Variants in MAN1A1 observed in about 807,000 individuals in gnomAD.
MAN1A1 encodes the protein mannosyl-oligosaccharide 1,2-alpha-mannosidase IA.
A neutral mutation model predicts 70.8 loss-of-function variants in MAN1A1; 29 were observed. That is an observed-to-expected ratio of 0.41 (90% CI 0.31 to 0.56). The LOEUF is 0.56. Ranked by LOEUF, MAN1A1 falls within the 20% of genes least tolerant of loss-of-function variation. The pLI is 0.29. For missense variants in MAN1A1, 747 were observed against 841.3 expected (o/e 0.89, Z 1.39); for synonymous variants, 349 against 330.1 (o/e 1.06, Z -0.62).
At chr6:119,274,424 T>C (rs931933512) in intron 5 of MAN1A1, among the ~76,000 whole-genome samples, 2 of 152,204 alleles carry the variant, frequency 1.3e-5, no homozygotes, top group Non-Finnish European at 2.9e-5. Context: ...TCTAATTACA[T>C]AAAAGCATAC....
intron 5 of MAN1A1, among the ~76,000 whole-genome samples, chr6:119,252,140 T>C (rs1266049200): frequency 6.6e-6 from 1 of 152,222 alleles, no homozygotes; most frequent in South Asian, 2.1e-4. Context: ...TGGCACTCAA[T>C]AGATGTTCAT....
intron 6 of MAN1A1, among the ~76,000 whole-genome samples, chr6:119,233,414 A>C (rs1348486867): frequency 6.6e-6 from 1 of 152,194 alleles, no homozygotes; most frequent in African/African-American, 2.4e-5. Flanking sequence ...ATTTTCCTTT[A>C]AGCCAATTAA....
rs1775971710 is a variant in MAN1A1, at chr6:119,273,194, T to C, written c.897+17489A>G. Among the ~76,000 whole-genome samples the C allele has an allele frequency of 2.0e-5, 3 of 152,140 alleles. No homozygotes were observed. The South Asian group carries it at 6.2e-4, about 32-fold the overall frequency. Reference sequence around the variant, plus strand: ...TTCCAAATCTGTTGTGATTTTCCTTTAATATTTTCTGATCAAAAGAATATT... The same window carrying C: ...TTCCAAATCTGTTGTGATTTTCCTTCAATATTTTCTGATCAAAAGAATATT... On this transcript the variant is annotated intron_variant, in intron 5 of 12. Coordinates refer to ENST00000368468, the MANE Select transcript of MAN1A1 (RefSeq NM_005907.4).
intron 6 of MAN1A1, among the ~76,000 whole-genome samples, chr6:119,218,377 G>A (rs1372446332): frequency 3.3e-5 from 5 of 152,044 alleles, no homozygotes; most frequent in Non-Finnish European, 1.5e-5. Context: ...GAAAGTTATA[G>A]TAGTATATAC....
At chr6:119,180,252 C>T (rs1335592428) in intron 12 of MAN1A1, 60 bp downstream of exon 12, 2 of 1,126,348 alleles carry the variant, frequency 1.8e-6, no homozygotes, top group Admixed American at 1.9e-5. Flanking sequence ...ATGATAAAGA[C>T]ATCTACAAAG....
At chr6:119,336,595 C>G (rs1773457785) in intron 2 of MAN1A1, among the ~76,000 whole-genome samples, 1 of 152,160 alleles carries the variant, frequency 6.6e-6, no homozygotes, top group Non-Finnish European at 1.5e-5. Flanking sequence ...TATGACACAG[C>G]ACTTTTCAGG....
Position 119,185,051 on chromosome 6 carries a change from G to A in MAN1A1, c.1719+3354C>T, listed in dbSNP as rs150186743. ...ACTATAGGAGTGTGCCAGCATGACG[G>A]GCTAATTTTTAAATTTTGTAAAGAC... is the stretch of plus-strand genomic sequence containing the variant. On this transcript the variant is annotated intron_variant, in intron 11 of 12. Coordinates refer to ENST00000368468, the MANE Select transcript of MAN1A1 (RefSeq NM_005907.4). Among the ~76,000 whole-genome samples the A allele has an allele frequency of 1.6e-3, 239 of 152,014 alleles. 5 individuals are homozygous for A. Among genetic ancestry groups the A allele is most frequent in the African/African-American group, 5.6e-3 (231 of 41,464 alleles).
At chr6:119,275,552 C>T (rs1224286305) in intron 5 of MAN1A1, among the ~76,000 whole-genome samples, 1 of 149,388 alleles carries the variant, frequency 6.7e-6, no homozygotes, top group Non-Finnish European at 1.5e-5. Flanking sequence ...GTGATCCGCC[C>T]GCCTCGGCCT....
chr6:119,284,302 T>C (rs1441761088), intron 5 of MAN1A1, among the ~76,000 whole-genome samples: 2 of 152,176 alleles, frequency 1.3e-5, no homozygotes, highest in Non-Finnish European at 2.9e-5. Context: ...ACCATTTCCA[T>C]GTGCCACTCT....
chr6:119,308,704 T>C (rs1451316391), intron 2 of MAN1A1, among the ~76,000 whole-genome samples: 2 of 152,168 alleles, frequency 1.3e-5, no homozygotes, highest in Non-Finnish European at 2.9e-5. Flanking sequence ...AGACTAGGTA[T>C]ATAAAAAATC....
intron 5 of MAN1A1, among the ~76,000 whole-genome samples, chr6:119,290,370 C>G (rs1474500328): frequency 1.3e-5 from 2 of 151,912 alleles, no homozygotes; most frequent in African/African-American, 4.8e-5. Context: ...ACAAGCCCGC[C>G]ACTACACTAA....
chr6:119,196,472 G>A (rs1354843579), intron 8 of MAN1A1, among the ~76,000 whole-genome samples: 2 of 152,076 alleles, frequency 1.3e-5, no homozygotes, highest in Non-Finnish European at 2.9e-5. Flanking sequence ...GTCGGGGAGA[G>A]CAGGCCCGAA....
chr6:119,219,313 G>A (rs546234518), intron 6 of MAN1A1, among the ~76,000 whole-genome samples: 1 of 151,808 alleles, frequency 6.6e-6, no homozygotes, highest in African/African-American at 2.4e-5. Context: ...GAGACTAAAG[G>A]TAAATTAGGG....
At chr6:119,281,375 G>A (rs927361528) in intron 5 of MAN1A1, among the ~76,000 whole-genome samples, 1 of 152,226 alleles carries the variant, frequency 6.6e-6, no homozygotes, top group Non-Finnish European at 1.5e-5. Flanking sequence ...CATGAATGCT[G>A]TTCATCACCA....
At chr6:119,289,539 G>A (rs1327369932) in intron 5 of MAN1A1, among the ~76,000 whole-genome samples, 1 of 150,314 alleles carries the variant, frequency 6.7e-6, no homozygotes, top group Non-Finnish European at 1.5e-5. Flanking sequence ...CAGAAAAAAG[G>A]GAGGAAGAGG....
rs557015004 is a variant in MAN1A1, at chr6:119,349,752, C to A, written c.-433G>T. ...AGCACGGTACACTCCGCCGCGGCCCCGCGAGCACTAATCTCACTGCCGGTC... is the reference window on the plus strand; with the variant it reads ...AGCACGGTACACTCCGCCGCGGCCCAGCGAGCACTAATCTCACTGCCGGTC... On this transcript the variant is annotated 5_prime_UTR_variant, in exon 1 of 13. Coordinates refer to ENST00000368468, the MANE Select transcript of MAN1A1 (RefSeq NM_005907.4). 7.1e-6 allele frequency: 7 copies of A among 985,408 alleles called. No individual in the cohort carries two copies. The highest frequency in any genetic ancestry group is 3.5e-5 in the African/African-American group (2 of 57,242). The allele number at this position is 985,408 out of a possible 1,614,324, so 61.0% of individuals were successfully genotyped here.
chr6:119,270,634 G>C (rs1372369659), intron 5 of MAN1A1, among the ~76,000 whole-genome samples: 1 of 152,090 alleles, frequency 6.6e-6, no homozygotes, highest in Non-Finnish European at 1.5e-5. Context: ...TTGTTCCCAG[G>C]TATATTCATC....
At chr6:119,295,159 A>G (rs1416551493) in intron 4 of MAN1A1, among the ~76,000 whole-genome samples, 1 of 152,090 alleles carries the variant, frequency 6.6e-6, no homozygotes, top group East Asian at 1.9e-4. Context: ...GAAGTATCTA[A>G]CCCCATCTAG....
Position 119,249,833 on chromosome 6 carries a change from T to A in MAN1A1, c.898-1479A>T, listed in dbSNP as rs373923306. On this transcript the variant is annotated intron_variant, in intron 5 of 12. Coordinates refer to ENST00000368468, the MANE Select transcript of MAN1A1 (RefSeq NM_005907.4). The stretch of plus-strand genomic sequence containing the variant: ...AAAAAAATTTTTTTTAAATTTAAAA[T>A]TTTCCTCATGCATACCACAGATCTT... Among the ~76,000 whole-genome samples the A allele has an allele frequency of 9.2e-5, 14 of 152,210 alleles. No homozygotes were observed. The East Asian group carries it at 2.3e-3, about 25-fold the overall frequency.
Sources: gnomAD v4.1 joint callset for allele counts (sites outside exome capture counted in the v4.1 genomes callset) on GRCh38, gnomAD v4.1.1 for gene constraint, MANE v1.5 for transcripts, NCBI Gene and HGNC (gene_info 2026-07-23, HGNC 2026-07-21) for gene names.